NDUFB4: variants seen among roughly 807,000 people sequenced by gnomAD.
NDUFB4 encodes NADH:ubiquinone oxidoreductase subunit B4.
A neutral mutation model predicts 14.5 loss-of-function variants in NDUFB4; 10 were observed. The observed-to-expected ratio is 0.69, with a 90% CI of 0.43 to 1.17. NDUFB4 has a LOEUF of 1.17. NDUFB4 is among the 50% of genes most tolerant of loss of function. NDUFB4 has a pLI of 0.00. For missense variants in NDUFB4, 165 were observed against 161.1 expected, an observed-to-expected ratio of 1.02 and a Z score of -0.13; for synonymous variants, 65 against 63.4, an observed-to-expected ratio of 1.03 and a Z score of -0.12.
intron 2 of NDUFB4, chr3:120,601,975 G>A (rs1359927156): frequency 1.5e-5 from 19 of 1,265,898 alleles, no homozygotes; most frequent in Non-Finnish European, 1.9e-5. Context: ...TTGAATAGGA[G>A]CATTTTCTTA....
Position 120,602,291 on chromosome 3 carries a change from T to C in NDUFB4, c.*21T>C, listed in dbSNP as rs1263536755. On this transcript the variant is annotated 3_prime_UTR_variant, in exon 3 of 3. Transcript: ENST00000184266. ...ATTAAGTCTGGCAATGATGACTATA[T>C]GTATTCCTGCCTAAATAAATCATCT... 4 of 1,567,372 alleles carry C rather than the reference T, an allele frequency of 2.6e-6. No homozygotes were observed. The highest frequency in any genetic ancestry group is 3.5e-6 in the Non-Finnish European group (4 of 1,146,690).
At position 120,596,500 on chromosome 3, in the gene NDUFB4, C is replaced by T. The variant is rs767267257; in HGVS notation, c.141C>T (p.Tyr47=). 1 of 1,613,980 alleles carries T rather than the reference C, an allele frequency of 6.2e-7. No homozygotes were observed. The highest frequency in any genetic ancestry group is 8.5e-7 in the Non-Finnish European group (1 of 1,179,940). ...TAAGAGCCCAGCTGAAACGAGAGTA[C>T]CTGCTTCAGTACAACGATCCCAACC... The part of the protein sequence containing the change: ...LAIRAQLKRE[Y]LLQYNDPNRR... Residue 47 remains tyrosine, a synonymous_variant, in exon 1 of 3, where the codon TAC becomes TAT. Coordinates refer to ENST00000184266, the MANE Select transcript of NDUFB4 (RefSeq NM_004547.6).
At position 120,601,984 on chromosome 3, in the gene NDUFB4, T is replaced by A. The variant is rs577284631; in HGVS notation, c.328-224T>A. 4.7e-6 allele frequency: 6 copies of A among 1,285,362 alleles called. No individual in the cohort carries two copies. The South Asian group carries it at 9.9e-5, about 21-fold the overall frequency. 79.6% of individuals were successfully genotyped at this position (1,285,362 alleles called of 1,614,324 possible). ...ATGTTTTTGAATAGGAGCATTTTCT[T>A]ACTGTGTCTTTAGTTCCTCGGATTA... On this transcript the variant is annotated intron_variant, in intron 2 of 2. Transcript: ENST00000184266.
intron 2 of NDUFB4, 155 bp from the exon 3 acceptor site, chr3:120,602,053 A>C: frequency 6.9e-7 from 1 of 1,440,320 alleles, no homozygotes; most frequent in South Asian, 1.6e-5. Flanking sequence ...GTGGGATTGC[A>C]ATTAGGTTTG....
At chr3:120,598,792 G>A (rs138411401) in intron 1 of NDUFB4, among the ~76,000 whole-genome samples, 1,827 of 152,238 alleles carry the variant, frequency 0.012, 31 homozygotes, top group East Asian at 0.048. Context: ...ACACTGGAGA[G>A]ACCATTGTGA....
In NDUFB4 at chr3:120,602,387, T is replaced by G; in HGVS notation, c.*117T>G. On this transcript the variant is annotated 3_prime_UTR_variant, in exon 3 of 3. Transcript: ENST00000184266. Reference sequence around the variant, plus strand: ...TCAATGTTAAAAACTATTAACACCCTAACAACACAGAAGCAGACGCAGCCC... The same window carrying G: ...TCAATGTTAAAAACTATTAACACCCGAACAACACAGAAGCAGACGCAGCCC... The G allele has an allele frequency of 2.0e-6, 2 of 982,920 alleles. No individual in the cohort carries two copies. The highest frequency in any genetic ancestry group is 3.0e-6 in the Non-Finnish European group (2 of 666,010). 60.9% of individuals were successfully genotyped at this position (982,920 alleles called of 1,614,324 possible). A position where few individuals can be genotyped will look rare whatever the true frequency, so the allele number is the denominator to read the frequency against.
chr3:120,597,481 C>T (rs1939984958), intron 1 of NDUFB4, among the ~76,000 whole-genome samples: 1 of 152,146 alleles, frequency 6.6e-6, no homozygotes, highest in Non-Finnish European at 1.5e-5. Flanking sequence ...TTTTCCCACA[C>T]GTTGCATTGG....
intron 1 of NDUFB4, among the ~76,000 whole-genome samples, chr3:120,597,568 G>T (rs61797654): frequency 0.23 from 35,352 of 152,112 alleles, 4,621 homozygotes; most frequent in Middle Eastern, 0.3. Flanking sequence ...AACTCTTTTT[G>T]AGTACTATTT....
At chr3:120,599,186 A>T (rs1318622680) in intron 1 of NDUFB4, among the ~76,000 whole-genome samples, 1 of 152,182 alleles carries the variant, frequency 6.6e-6, no homozygotes, top group Non-Finnish European at 1.5e-5. Context: ...AAACACAGGA[A>T]TGGGAGAAGA....
rs1364574485 is a variant in NDUFB4 at position 120,596,511 on chromosome 3, A to G, written c.152A>G (p.Tyr51Cys). ...AQLKREYLLQ[Y>C]NDPNRRGLIE... ...CTGAAACGAGAGTACCTGCTTCAGT[A>G]CAACGATCCCAACCGCCGAGGGCTC... Residue 51 changes from tyrosine (Y) to cysteine (C), a missense_variant, in exon 1 of 3, where the codon TAC (tyrosine) becomes TGC (cysteine). Physicochemically the swap from Tyr to Cys is radical, Grantham distance 194. Transcript: ENST00000184266. 2 of 1,613,938 alleles carry G rather than the reference A, an allele frequency of 1.2e-6. No homozygotes were observed. Among genetic ancestry groups the G allele is most frequent in the Non-Finnish European group, 1.7e-6 (2 of 1,179,896 alleles).
At chr3:120,596,714 C>CAA in intron 1 of NDUFB4, 175 bp downstream of exon 1, 1 of 676,494 alleles carries the variant, frequency 1.5e-6, no homozygotes, top group Non-Finnish European at 2.5e-6. Flanking sequence ...TCGAGAGGAC[C>CAA]GGCTCTGGAC....
intron 2 of NDUFB4, chr3:120,602,006 A>G (rs1350045574): frequency 3.0e-6 from 4 of 1,322,656 alleles, no homozygotes; most frequent in Non-Finnish European, 3.8e-6. Flanking sequence ...AGTTCCTCGG[A>G]TTACTGTTTC....
At chr3:120,600,108 GGTTTTTTTTTTT>G (rs1163793839) in intron 1 of NDUFB4, among the ~76,000 whole-genome samples, 15 of 146,664 alleles carry the variant, frequency 1.0e-4, no homozygotes, top group Admixed American at 3.4e-4. Flanking sequence ...TCCATCATAA[GGTTTTTTTTTTT>G]GTTTTTTTTT....
intron 1 of NDUFB4, among the ~76,000 whole-genome samples, chr3:120,600,535 T>C (rs540672809): frequency 3.3e-5 from 5 of 152,366 alleles, no homozygotes; most frequent in Non-Finnish European, 7.3e-5. Flanking sequence ...AATGTCTGAA[T>C]TAATGCTTTT....
At chr3:120,599,950 A>C (rs1307924265) in intron 1 of NDUFB4, among the ~76,000 whole-genome samples, 1 of 151,898 alleles carries the variant, frequency 6.6e-6, no homozygotes, top group Non-Finnish European at 1.5e-5. Context: ...ACAATGCTGC[A>C]GAACACTTGC....
At chr3:120,602,009 A>G (rs1287579226) in intron 2 of NDUFB4, 199 bp from the exon 3 acceptor site, 4 of 1,324,766 alleles carry the variant, frequency 3.0e-6, no homozygotes, top group Non-Finnish European at 3.8e-6. Flanking sequence ...TCCTCGGATT[A>G]CTGTTTCTTC....
intron 2 of NDUFB4, chr3:120,601,703 A>G: frequency 3.9e-6 from 4 of 1,027,742 alleles, no homozygotes; most frequent in Non-Finnish European, 4.7e-6. Context: ...GATCTTTGGC[A>G]CCAAACCATT....
In NDUFB4 at chr3:120,601,120, G is replaced by T; in HGVS notation, c.190G>T (p.Ala64Ser). 6.2e-7 allele frequency: 1 copy of T among 1,607,718 alleles called. No homozygotes were observed. The highest frequency in any genetic ancestry group is 2.2e-5 in the East Asian group (1 of 44,870). The change falls in exon 2 of 3, where the codon GCC (alanine) becomes TCC (serine). Residue 64 changes from alanine (A) to serine (S), a missense_variant. Ala to Ser is a moderately conservative substitution (Grantham distance 99). Transcript: ENST00000184266. ...TTTTCATTAATTTTAGGAAAATCCT[G>T]CCTTGCTTCGTTGGGCCTATGCAAG... ...PNRRGLIENP[A>S]LLRWAYARTI...
intron 1 of NDUFB4, chr3:120,600,852 T>C: frequency 2.3e-6 from 1 of 425,950 alleles, no homozygotes; most frequent in Admixed American, 4.3e-5. Flanking sequence ...AGATTAAGAT[T>C]AGGATTCTTA....
Sources: allele counts gnomAD v4.1 joint callset (sites outside exome capture counted in the v4.1 genomes callset), GRCh38; gene constraint gnomAD v4.1.1; transcripts MANE v1.5; gene names NCBI Gene and HGNC (gene_info 2026-07-23, HGNC 2026-07-21).